The following CALN1 variants were observed in gnomAD, a reference collection of about 807,000 sequenced individuals.
CALN1 encodes the protein calcium-binding protein 8.
CALN1 carries 17 observed loss-of-function variants against 30.6 expected under a neutral mutation model. That is an observed-to-expected ratio of 0.56 (90% CI 0.38 to 0.83). The LOEUF (loss-of-function observed/expected upper bound fraction) is 0.83. CALN1 is among the 40% of genes least tolerant of loss of function. The probability of loss-of-function intolerance (pLI) is 0.00; values close to 1 mark genes in which losing one functional copy is unlikely to be tolerated. For synonymous variants in CALN1, 156 were observed against 131.4 expected, an observed-to-expected ratio of 1.19 and a Z score of -1.28; for missense variants, 291 against 354.9, an observed-to-expected ratio of 0.82 and a Z score of 1.45.
chr7:71,897,545 G>T (rs1293088321), intron 5 of CALN1, among the ~76,000 whole-genome samples: 1 of 152,098 alleles, frequency 6.6e-6, no homozygotes, highest in Non-Finnish European at 1.5e-5. Context: ...AAGGTAAAGG[G>T]AAGATAATTG....
intron 5 of CALN1, among the ~76,000 whole-genome samples, chr7:71,856,776 G>A (rs921045536): frequency 6.6e-6 from 1 of 152,036 alleles, no homozygotes; most frequent in African/African-American, 2.4e-5. Context: ...CCAATGTGGT[G>A]AAACCCCATC....
rs745580294 is a variant in CALN1, at chr7:72,403,373, G to T, written c.-4C>A. The stretch of plus-strand genomic sequence containing the variant: ...CGGGTTGCTCTGGCAGCCGCATCGG[G>T]GGTCCAGGGCGATGTTCTCAGAGAG... On this transcript the variant is annotated 5_prime_UTR_variant, in exon 2 of 7. Coordinates refer to ENST00000395275, the MANE Select transcript of CALN1 (RefSeq NM_031468.4). 6.5e-7 allele frequency: 1 copy of T among 1,544,198 alleles called. No individual in the cohort carries two copies. The highest frequency in any genetic ancestry group is 2.0e-5 in the Admixed American group (1 of 50,946).
intron 3 of CALN1, among the ~76,000 whole-genome samples, chr7:72,117,957 CAAAAAAAAAAAAG>C (rs1199829741): frequency 1.9e-5 from 2 of 103,732 alleles, no homozygotes; most frequent in Admixed American, 2.1e-4. Flanking sequence ...GACACCGTCT[CAAAAAAAAAAAAG>C]AAAAAAAAAA....
intron 5 of CALN1, among the ~76,000 whole-genome samples, chr7:71,827,064 C>T (rs571539453): frequency 2.6e-5 from 4 of 152,170 alleles, no homozygotes; most frequent in South Asian, 4.1e-4. Flanking sequence ...GTCCAGGTCA[C>T]GTCGCAGAGC....
At chr7:72,025,200 C>T (rs1800977117) in intron 4 of CALN1, among the ~76,000 whole-genome samples, 1 of 152,126 alleles carries the variant, frequency 6.6e-6, no homozygotes, top group Admixed American at 6.6e-5. Flanking sequence ...ATCCCAGCTA[C>T]TTGGGAGGCT....
intron 5 of CALN1, among the ~76,000 whole-genome samples, chr7:71,892,586 T>C (rs1336398095): frequency 6.6e-6 from 1 of 152,318 alleles, no homozygotes. Context: ...GATCATGCTA[T>C]TGCAATCCTG....
chr7:71,902,518 A>G (rs1408299380), intron 5 of CALN1, among the ~76,000 whole-genome samples: 1 of 152,196 alleles, frequency 6.6e-6, no homozygotes, highest in Non-Finnish European at 1.5e-5. Context: ...CCTAAAGTCA[A>G]CTGAGCTTTG....
intron 3 of CALN1, among the ~76,000 whole-genome samples, chr7:72,241,290 CTT>C (rs766825634): frequency 4.1e-4 from 62 of 151,808 alleles, no homozygotes; most frequent in Admixed American, 5.9e-4. Flanking sequence ...TTCTTAGTGT[CTT>C]TTCTCAGACT....
At chr7:72,172,491 C>A (rs938570690) in intron 3 of CALN1, among the ~76,000 whole-genome samples, 2 of 152,136 alleles carry the variant, frequency 1.3e-5, no homozygotes, top group Non-Finnish European at 2.9e-5. Flanking sequence ...AAGAAAACTC[C>A]AGACCAATAA....
intron 2 of CALN1, among the ~76,000 whole-genome samples, chr7:72,294,813 A>C (rs904172840): frequency 6.3e-4 from 95 of 151,826 alleles, no homozygotes; most frequent in African/African-American, 2.2e-3. Flanking sequence ...AAGTCTTTAA[A>C]GACACCCTAT....
chr7:72,035,818 A>G (rs1231374082), intron 4 of CALN1, among the ~76,000 whole-genome samples: 1 of 152,220 alleles, frequency 6.6e-6, no homozygotes, highest in Admixed American at 6.5e-5. Context: ...ACAAACTAGT[A>G]ATTTTTGAAA....
chr7:72,049,141 G>T (rs1461738868), intron 4 of CALN1, among the ~76,000 whole-genome samples: 9 of 152,042 alleles, frequency 5.9e-5, no homozygotes, highest in Non-Finnish European at 5.9e-5. Flanking sequence ...CTGGTGGGTG[G>T]GGGGAGAACA....
At chr7:72,299,044 C>T (rs530531659) in intron 2 of CALN1, among the ~76,000 whole-genome samples, 3 of 152,254 alleles carry the variant, frequency 2.0e-5, no homozygotes, top group Middle Eastern at 3.4e-3. Flanking sequence ...CCTAACCAGG[C>T]ACTTGTGTCA....
intron 5 of CALN1, among the ~76,000 whole-genome samples, chr7:71,960,860 C>A (rs775445518): frequency 6.6e-6 from 1 of 152,092 alleles, no homozygotes; most frequent in Non-Finnish European, 1.5e-5. Flanking sequence ...CTCTGTTGCC[C>A]AGGTGGAGTG....
chr7:72,487,938 GAAGGAAGGAAGGAAGGA>G, the CALN1 span, among the ~76,000 whole-genome samples: 100 of 80,010 alleles, frequency 1.2e-3, 2 homozygotes, highest in African/African-American at 3.7e-3. Context: ...AGGAAGGAAG[GAAGGAAGGAAGGAAGGA>G]AAGGAAGGAA....
At position 71,801,838 on chromosome 7, in the gene CALN1, C is replaced by T. The variant is rs1004796685; in HGVS notation, c.658+8498G>A. ...CTAAAAATACAAAAAATTAGCTGGG[C>T]GTGGTGGTGCATGCCTGTAATCCCA... On this transcript the variant is annotated intron_variant, in intron 6 of 6. Transcript: ENST00000395275. 9.2e-5 allele frequency among the ~76,000 whole-genome samples: 14 copies of T among 151,706 alleles called. 1 individual carries two copies. The East Asian group carries it at 9.7e-4, about 10-fold the overall frequency.
intron 5 of CALN1, among the ~76,000 whole-genome samples, chr7:71,884,400 A>T (rs1273581396): frequency 6.6e-6 from 1 of 152,272 alleles, no homozygotes; most frequent in Non-Finnish European, 1.5e-5. Context: ...CAGGGCGGAC[A>T]CATCATCCTA....
chr7:71,809,956 AG>A lies in CALN1; in HGVS notation c.658+379del, dbSNP rs1202971506. ...ACAGAGAAGGTCCATCCTTTGCCCA[AG>A]GTCACACAACGGACTCGACCCAAGT... On this transcript the variant is annotated intron_variant, in intron 6 of 6. Coordinates refer to ENST00000395275, the MANE Select transcript of CALN1 (RefSeq NM_031468.4). 3.9e-5 allele frequency among the ~76,000 whole-genome samples: 6 copies of A among 152,176 alleles called. No homozygotes were observed. The East Asian group carries it at 1.2e-3, about 29-fold the overall frequency.
intron 3 of CALN1, among the ~76,000 whole-genome samples, chr7:72,208,901 T>C (rs1395733578): frequency 5.3e-5 from 8 of 152,110 alleles, no homozygotes; most frequent in Non-Finnish European, 1.2e-4. Flanking sequence ...GCATCACACA[T>C]CACCATTTCC....
Sources: allele counts gnomAD v4.1 joint callset (sites outside exome capture counted in the v4.1 genomes callset), GRCh38; gene constraint gnomAD v4.1.1; transcripts MANE v1.5; gene names NCBI Gene and HGNC (gene_info 2026-07-23, HGNC 2026-07-21).